Variants in HDAC9 observed in about 807,000 individuals in gnomAD.
HDAC9 encodes the protein MEF-2 interacting transcription repressor (MITR) protein.
A neutral mutation model predicts 139.4 loss-of-function variants in HDAC9; 41 were observed. The observed-to-expected ratio is 0.29, with a 90% confidence interval of 0.23 to 0.38. HDAC9 has a LOEUF of 0.38. HDAC9 is among the 10% of genes least tolerant of loss of function. The probability of loss-of-function intolerance (pLI) is 1.00; values close to 1 mark genes in which losing one functional copy is unlikely to be tolerated. For synonymous variants in HDAC9, 517 were observed against 476.2 expected, an observed-to-expected ratio of 1.09 and a Z score of -1.12; for missense variants, 1,147 against 1,297.0, an observed-to-expected ratio of 0.88 and a Z score of 1.78.
chr7:18,281,264 A>G (rs1797086947), intron 2 of HDAC9, among the ~76,000 whole-genome samples: 1 of 152,228 alleles, frequency 6.6e-6, no homozygotes, highest in Non-Finnish European at 1.5e-5. Context: ...ACCTTGTTTT[A>G]TCGTGGTATT....
At position 18,996,260 on chromosome 7, in the gene HDAC9, G is replaced by A. The variant is rs951784905; in HGVS notation, c.*198G>A. The A allele has an allele frequency of 2.6e-5, 13 of 501,374 alleles. No individual in the cohort carries two copies. Among genetic ancestry groups the A allele is most frequent in the South Asian group, 1.6e-4 (7 of 43,784 alleles). The allele number at this position is 501,374 out of a possible 1,614,324, so 31.1% of individuals were successfully genotyped here. ...AAAGGGCATTAAAGATTCCTTAAAC[G>A]TAACCGCTGTGATTCTAGAGTTACA... On this transcript the variant is annotated 3_prime_UTR_variant, in exon 26 of 26. Transcript: ENST00000686413.
chr7:18,540,896 C>G lies in HDAC9; in HGVS notation c.23-44385C>G, dbSNP rs1253534206. Reference sequence around the variant, plus strand: ...TTTACATATGTTAACCTACATGATTCTCGTAAGAATTTTAGAAGATAGATA... The same window carrying G: ...TTTACATATGTTAACCTACATGATTGTCGTAAGAATTTTAGAAGATAGATA... On this transcript the variant is annotated intron_variant, in intron 2 of 25. Transcript: ENST00000686413. 2.0e-5 allele frequency among the ~76,000 whole-genome samples: 3 copies of G among 152,152 alleles called. No homozygotes were observed. In the East Asian group the frequency reaches 5.8e-4, roughly 29 times the overall value.
At chr7:18,765,611 A>C (rs1430205621) in intron 15 of HDAC9, among the ~76,000 whole-genome samples, 1 of 152,174 alleles carries the variant, frequency 6.6e-6, no homozygotes, top group Admixed American at 6.6e-5. Context: ...TCTCAAAAAA[A>C]AATTAACTTA....
intron 24 of HDAC9, among the ~76,000 whole-genome samples, chr7:18,970,506 A>G (rs969628525): frequency 6.6e-6 from 1 of 152,202 alleles, no homozygotes; most frequent in Non-Finnish European, 1.5e-5. Flanking sequence ...TTAGCCTCAA[A>G]ATAGCCCCAA....
At chr7:18,577,504 T>G (rs1826360712) in intron 2 of HDAC9, among the ~76,000 whole-genome samples, 1 of 152,204 alleles carries the variant, frequency 6.6e-6, no homozygotes, top group South Asian at 2.1e-4. Context: ...TAGGACATTA[T>G]TTTTCAGTTG....
At chr7:18,755,828 C>A (rs780022473) in intron 14 of HDAC9, among the ~76,000 whole-genome samples, 1 of 152,026 alleles carries the variant, frequency 6.6e-6, no homozygotes, top group Non-Finnish European at 1.5e-5. Flanking sequence ...TAAAATAAGT[C>A]GTAGTGACTG....
intron 3 of HDAC9, among the ~76,000 whole-genome samples, chr7:18,587,724 C>T (rs1829855254): frequency 6.6e-6 from 1 of 152,164 alleles, no homozygotes. Context: ...GCCCTGTCTG[C>T]CTCCAAAGCT....
In HDAC9 at chr7:18,802,119, C is replaced by T. The variant is rs6952629; in HGVS notation, c.2322+8667C>T. Among the ~76,000 whole-genome samples, 954 of 151,638 alleles carry T rather than the reference C, an allele frequency of 6.3e-3. 13 individuals are homozygous for T. Among genetic ancestry groups the T allele is most frequent in the African/African-American group, 0.02 (816 of 41,448 alleles). ...TTTAATAATTTCTTAAATTATTTAGCTCATTATTTTACAACCTGTAGTCTT... is the reference window on the plus strand; with the variant it reads ...TTTAATAATTTCTTAAATTATTTAGTTCATTATTTTACAACCTGTAGTCTT... On this transcript the variant is annotated intron_variant, in intron 17 of 25. Transcript: ENST00000686413.
chr7:18,861,277 T>C (rs1798085155), intron 21 of HDAC9, among the ~76,000 whole-genome samples: 1 of 152,198 alleles, frequency 6.6e-6, no homozygotes, highest in Non-Finnish European at 1.5e-5. Flanking sequence ...TAATGACTTC[T>C]ACCAACTCCA....
At chr7:18,136,484 G>A (rs1005321119) in intron 1 of HDAC9, among the ~76,000 whole-genome samples, 4 of 152,272 alleles carry the variant, frequency 2.6e-5, no homozygotes, top group South Asian at 2.1e-4. Flanking sequence ...TTTTGTATAA[G>A]GTGGAAGGAA....
At chr7:18,317,803 G>A (rs1373048168) in intron 1 of HDAC9, among the ~76,000 whole-genome samples, 4 of 152,142 alleles carry the variant, frequency 2.6e-5, no homozygotes, top group African/African-American at 7.2e-5. Flanking sequence ...TTTTGTTTCT[G>A]TTAGACTACT....
intron 1 of HDAC9, among the ~76,000 whole-genome samples, chr7:18,136,624 T>C (rs929912781): frequency 2.5e-4 from 38 of 152,128 alleles, no homozygotes; most frequent in African/African-American, 7.2e-4. Context: ...AGATATGCGG[T>C]GTTATTTCTG....
intron 1 of HDAC9, among the ~76,000 whole-genome samples, chr7:18,401,439 C>T (rs1257898198): frequency 3.3e-5 from 5 of 152,164 alleles, no homozygotes; most frequent in African/African-American, 1.2e-4. Flanking sequence ...CAAAACACCG[C>T]ATTCTTCTGG....
intron 1 of HDAC9, among the ~76,000 whole-genome samples, chr7:18,095,432 A>G (rs926168169): frequency 6.6e-6 from 1 of 152,212 alleles, no homozygotes; most frequent in African/African-American, 2.4e-5. Context: ...ATAGTAGTAT[A>G]TTTAATATAC....
intron 16 of HDAC9, among the ~76,000 whole-genome samples, chr7:18,780,703 T>C (rs2588605): frequency 0.76 from 115,447 of 151,920 alleles, 44,662 homozygotes; most frequent in Non-Finnish European, 0.83. Flanking sequence ...TAAAGCCCTG[T>C]AAAGAACAGT....
intron 1 of HDAC9, among the ~76,000 whole-genome samples, chr7:18,419,067 C>T (rs543223893): frequency 6.6e-6 from 1 of 152,232 alleles, no homozygotes; most frequent in African/African-American, 2.4e-5. Flanking sequence ...CTTTTCTTTA[C>T]ACCATATAGA....
intron 2 of HDAC9, among the ~76,000 whole-genome samples, chr7:18,236,842 C>T (rs1793854128): frequency 6.6e-6 from 1 of 152,258 alleles, no homozygotes; most frequent in East Asian, 1.9e-4. Context: ...GACTCTGGCC[C>T]CCTACCCCAT....
At chr7:18,238,209 T>G (rs566940705) in intron 2 of HDAC9, among the ~76,000 whole-genome samples, 1 of 152,360 alleles carries the variant, frequency 6.6e-6, no homozygotes, top group East Asian at 1.9e-4. Context: ...GTGTGATCCC[T>G]TGATTTCTAC....
intron 2 of HDAC9, among the ~76,000 whole-genome samples, chr7:18,562,263 C>A (rs568260087): frequency 2.5e-4 from 38 of 152,104 alleles, no homozygotes; most frequent in African/African-American, 8.2e-4. Context: ...TAATTTTCTT[C>A]CATTCTGTGG....
Sources: allele counts gnomAD v4.1 joint callset (sites outside exome capture counted in the v4.1 genomes callset), GRCh38; gene constraint gnomAD v4.1.1; transcripts MANE v1.5; gene names NCBI Gene and HGNC (gene_info 2026-07-23, HGNC 2026-07-21).